Variants in SMAD2 observed in about 807,000 individuals in gnomAD.
SMAD2 encodes SMAD family member 2, also known as MAD homolog 2.
Under a neutral mutation model 64.4 loss-of-function variants are expected in SMAD2, and 8 were observed. That is an observed-to-expected ratio of 0.12 (90% CI 0.07 to 0.22). The LOEUF (loss-of-function observed/expected upper bound fraction) is 0.22, where lower values mean the gene tolerates loss of function less well. SMAD2 is among the 10% of genes least tolerant of loss of function. The pLI, the probability that SMAD2 is intolerant of heterozygous loss-of-function variation, is 1.00. For synonymous variants in SMAD2, 203 were observed against 195.8 expected, an observed-to-expected ratio of 1.04 and a Z score of -0.31; for missense variants, 289 against 561.2, an observed-to-expected ratio of 0.51 and a Z score of 4.90.
chr18:47,868,068 C>G (rs905647920), intron 5 of SMAD2, among the ~76,000 whole-genome samples: 2 of 152,092 alleles, frequency 1.3e-5, no homozygotes, highest in Non-Finnish European at 2.9e-5. Context: ...CTTTTCTTTT[C>G]TGCTTCTCAC....
chr18:47,847,809 TATGC>T (rs1331185151), intron 8 of SMAD2, among the ~76,000 whole-genome samples: 1 of 151,674 alleles, frequency 6.6e-6, no homozygotes, highest in East Asian at 1.9e-4. Flanking sequence ...TGCAAAATCA[TATGC>T]ATGTAGGCTC....
intron 2 of SMAD2, among the ~76,000 whole-genome samples, chr18:47,885,774 C>T (rs950100619): frequency 6.6e-6 from 1 of 152,060 alleles, no homozygotes; most frequent in African/African-American, 2.4e-5. Flanking sequence ...TCAGACTAGG[C>T]AACATGATGA....
At chr18:47,880,640 T>C (rs1222066595) in intron 2 of SMAD2, among the ~76,000 whole-genome samples, 1 of 152,178 alleles carries the variant, frequency 6.6e-6, no homozygotes, top group African/African-American at 2.4e-5. Flanking sequence ...CTAGGGTTGG[T>C]CTCCTCATTA....
intron 6 of SMAD2, among the ~76,000 whole-genome samples, chr18:47,863,127 C>G (rs1001178126): frequency 6.6e-6 from 1 of 152,138 alleles, no homozygotes; most frequent in African/African-American, 2.4e-5. Context: ...TTAATTATGT[C>G]CTTCCTTCTG....
Position 47,811,852 on chromosome 18 carries a change from T to G in SMAD2, c.*29975A>C, listed in dbSNP as rs1279997360. ...GCACCTGTCAGTCGATCAAGAAGCA[T>G]TTATTGCATGCCTACCATATATAAA... On this transcript the variant is annotated 3_prime_UTR_variant, in exon 11 of 11. Transcript: ENST00000262160. 1 of 152,208 alleles carries G rather than the reference T, an allele frequency of 6.6e-6. No individual in the cohort carries two copies. The highest frequency in any genetic ancestry group is 1.5e-5 in the Non-Finnish European group (1 of 68,038). The allele number at this position is 152,208 out of a possible 1,614,324, so 9.4% of individuals were successfully genotyped here.
intron 1 of SMAD2, among the ~76,000 whole-genome samples, chr18:47,919,390 G>T (rs190619630): frequency 1.6e-3 from 245 of 151,478 alleles, no homozygotes; most frequent in Non-Finnish European, 2.3e-3. Context: ...ACCCAGGAGT[G>T]CAAGGCTGCA....
In SMAD2 at chr18:47,866,316, C is replaced by CAAAA. The variant is rs34302955; in HGVS notation, c.656-1187_656-1184dup. ...GGGCAACAAGAGCAAAACACCGTCT[C>CAAAA]AAAAAAAAAAAAAAAAAAAAAAAAA... On this transcript the variant is annotated intron_variant, in intron 5 of 10. Coordinates refer to ENST00000262160, the MANE Select transcript of SMAD2 (RefSeq NM_005901.6). Among the ~76,000 whole-genome samples the CAAAA allele has an allele frequency of 4.1e-3, 172 of 41,850 alleles. 5 individuals carry two copies. The highest frequency in any genetic ancestry group is 0.01 in the African/African-American group (103 of 9,892). The allele number at this position is 41,850 out of a possible 152,430, so 27.5% of individuals were successfully genotyped here. A position where few individuals can be genotyped will look rare whatever the true frequency, so the allele number is the denominator to read the frequency against.
intron 2 of SMAD2, among the ~76,000 whole-genome samples, chr18:47,871,082 A>C (rs966771690): frequency 1.3e-5 from 2 of 152,158 alleles, no homozygotes; most frequent in Non-Finnish European, 2.9e-5. Flanking sequence ...AGAATAAATA[A>C]AGAAATAGAC....
At chr18:47,882,210 G>A (rs1195276787) in intron 2 of SMAD2, among the ~76,000 whole-genome samples, 1 of 149,642 alleles carries the variant, frequency 6.7e-6, no homozygotes, top group Non-Finnish European at 1.5e-5. Context: ...TTTTTCGGGG[G>A]TGGGGGACAA....
In SMAD2 at chr18:47,814,499, C is replaced by T. The variant is rs936115730; in HGVS notation, c.*27328G>A. The T allele has an allele frequency of 6.6e-6, 1 of 152,150 alleles. No homozygotes were observed. The highest frequency in any genetic ancestry group is 6.5e-5 in the Admixed American group (1 of 15,272). 9.4% of individuals were successfully genotyped at this position (152,150 alleles called of 1,614,324 possible). A position where few individuals can be genotyped will look rare whatever the true frequency, so the allele number is the denominator to read the frequency against. ...ACTGAGAATACGATGTGAGAAGAGTCTCTTCATTAGGCAGGAGTGGAATGA... is the reference window on the plus strand; with the variant it reads ...ACTGAGAATACGATGTGAGAAGAGTTTCTTCATTAGGCAGGAGTGGAATGA... On this transcript the variant is annotated 3_prime_UTR_variant, in exon 11 of 11. Transcript: ENST00000262160.
At chr18:47,927,689 C>T (rs1275608595) in intron 1 of SMAD2, among the ~76,000 whole-genome samples, 1 of 152,168 alleles carries the variant, frequency 6.6e-6, no homozygotes, top group African/African-American at 2.4e-5. Context: ...CACCTGAGGT[C>T]GGGAGTTCGA....
intron 1 of SMAD2, among the ~76,000 whole-genome samples, chr18:47,917,595 T>A (rs1350904168): frequency 1.3e-5 from 2 of 152,178 alleles, no homozygotes; most frequent in African/African-American, 2.4e-5. Context: ...CCACCCCTCA[T>A]CCCCACTGAC....
At position 47,837,886 on chromosome 18, in the gene SMAD2, A is replaced by G. The variant is rs1598736085; in HGVS notation, c.*3941T>C. ...AAGTAAAGACTGTACATGAAGACAT[A>G]TTTTATGTACAGTGAAGATTGTCTT... On this transcript the variant is annotated 3_prime_UTR_variant, in exon 11 of 11. Coordinates refer to ENST00000262160, the MANE Select transcript of SMAD2 (RefSeq NM_005901.6). 2 of 232,714 alleles carry G rather than the reference A, an allele frequency of 8.6e-6. No homozygotes were observed. Among genetic ancestry groups the G allele is most frequent in the Non-Finnish European group, 1.7e-5 (2 of 117,602 alleles). The allele number at this position is 232,714 out of a possible 1,614,324, so 14.4% of individuals were successfully genotyped here.
chr18:47,896,692 G>C lies in SMAD2; in HGVS notation c.65C>G (p.Ala22Gly). 1 of 1,614,054 alleles carries C rather than the reference G, an allele frequency of 6.2e-7. No individual in the cohort carries two copies. The highest frequency in any genetic ancestry group is 8.5e-7 in the Non-Finnish European group (1 of 1,180,004). The change falls in exon 2 of 11, where the codon GCT becomes GGT. Residue 22 changes from alanine (A) to glycine (G), a missense_variant. Physicochemically the swap from Ala to Gly is moderately conservative, Grantham distance 60. Around this residue, in one of 6 missense-constraint regions of SMAD2, gnomAD observed 89 missense variants for 137.1 expected, o/e 0.65. Transcript: ENST00000262160. The part of the protein sequence containing the change: ...VKRLLGWKKS[A>G]GGSGGAGGGE... ...TCCGCCTGCTCCTCCAGACCCACCA[G>C]CTGACTTCTTCCATCCCAGCAGTCT...
intron 1 of SMAD2, among the ~76,000 whole-genome samples, chr18:47,903,531 A>G (rs745754039): frequency 1.3e-5 from 2 of 152,170 alleles, no homozygotes; most frequent in East Asian, 3.8e-4. Flanking sequence ...CTAAAAGTAA[A>G]TATTATTTAC....
intron 1 of SMAD2, among the ~76,000 whole-genome samples, chr18:47,920,671 T>C (rs1026549724): frequency 3.3e-5 from 5 of 152,230 alleles, no homozygotes; most frequent in African/African-American, 1.2e-4. Flanking sequence ...GCATGTGTTA[T>C]TCGAAAAAAT....
chr18:47,850,265 T>C (rs1198909116), intron 7 of SMAD2, among the ~76,000 whole-genome samples: 3 of 75,286 alleles, frequency 4.0e-5, no homozygotes, highest in Admixed American at 2.6e-4. Flanking sequence ...TTATGTATAA[T>C]ATATATTATA....
chr18:47,870,342 T>C (rs1007877877), intron 3 of SMAD2, 133 bp downstream of exon 3: 1 of 679,292 alleles, frequency 1.5e-6, no homozygotes, highest in African/African-American at 1.8e-5. Flanking sequence ...GCAGATATTT[T>C]AAATGCTATG....
chr18:47,833,691 C>T lies in SMAD2; in HGVS notation c.*8136G>A, dbSNP rs1427963427. Reference sequence around the variant, plus strand: ...CAGTCTGCATCAGGACACCCAATTCCTTCACTTGCCATTGGCTGATGCATT... The same window carrying T: ...CAGTCTGCATCAGGACACCCAATTCTTTCACTTGCCATTGGCTGATGCATT... On this transcript the variant is annotated 3_prime_UTR_variant, in exon 11 of 11. Coordinates refer to ENST00000262160, the MANE Select transcript of SMAD2 (RefSeq NM_005901.6). 1.7e-5 allele frequency: 4 copies of T among 231,028 alleles called. No homozygotes were observed. The highest frequency in any genetic ancestry group is 8.9e-5 in the African/African-American group (4 of 45,194). 14.3% of individuals were successfully genotyped at this position (231,028 alleles called of 1,614,324 possible).
Sources: allele counts gnomAD v4.1 joint callset (sites outside exome capture counted in the v4.1 genomes callset), GRCh38; gene constraint gnomAD v4.1.1; regional missense constraint gnomAD v4.1.1; transcripts MANE v1.5; gene names NCBI Gene and HGNC (gene_info 2026-07-23, HGNC 2026-07-21).